PTPRA: variants seen among roughly 807,000 people sequenced by gnomAD.
The protein encoded by PTPRA is protein tyrosine phosphatase receptor type A, also known as receptor-type tyrosine-protein phosphatase alpha.
In PTPRA, 25 loss-of-function variants were observed where a neutral mutation model predicts 104.8. The observed-to-expected ratio is 0.24, with a 90% CI of 0.17 to 0.33. The LOEUF is 0.33. PTPRA is among the 10% of genes least tolerant of loss of function. PTPRA has a pLI of 1.00. For synonymous variants in PTPRA, 323 were observed against 368.9 expected, an observed-to-expected ratio of 0.88 and a Z score of 1.43; for missense variants, 765 against 1,015.3, an observed-to-expected ratio of 0.75 and a Z score of 3.35.
chr20:2,934,764 C>T (rs1255225237), intron 2 of PTPRA, among the ~76,000 whole-genome samples: 6 of 150,964 alleles, frequency 4.0e-5, no homozygotes, highest in Admixed American at 2.0e-4. Context: ...CTCTGACTCC[C>T]TGATTCGAGC....
At chr20:2,865,979 G>T in the PTPRA span, 6 of 560,742 alleles carry the variant, frequency 1.1e-5, no homozygotes, top group Non-Finnish European at 3.2e-6. This position sits in a 1 kb window ranked among gnomAD's most constrained non-coding sequence, Gnocchi z 5.2. Context: ...GAGCAGAAGC[G>T]TGGAAATAAT....
At chr20:2,919,827 G>A (rs2060039244) in intron 1 of PTPRA, among the ~76,000 whole-genome samples, 2 of 152,160 alleles carry the variant, frequency 1.3e-5, no homozygotes, top group Admixed American at 1.3e-4. Flanking sequence ...ACAACCCAAT[G>A]CCAGTTTTTG....
intron 11 of PTPRA, among the ~76,000 whole-genome samples, chr20:3,013,151 A>AC (rs1341528261): frequency 1.4e-5 from 2 of 146,140 alleles, no homozygotes; most frequent in African/African-American, 5.5e-5. Flanking sequence ...CTCCATTCTC[A>AC]CCCCCCGGCC....
chr20:2,927,267 T>C (rs1018958012), intron 2 of PTPRA, among the ~76,000 whole-genome samples: 1 of 152,194 alleles, frequency 6.6e-6, no homozygotes, highest in African/African-American at 2.4e-5. Flanking sequence ...CAGCATTTTC[T>C]GGGTTTTTAT....
chr20:2,903,913 T>A (rs991611966), intron 1 of PTPRA, among the ~76,000 whole-genome samples: 14 of 143,536 alleles, frequency 9.8e-5, no homozygotes, highest in Non-Finnish European at 1.5e-4. Context: ...TTTCCATAAC[T>A]TTTTTTTTTT....
intron 3 of PTPRA, among the ~76,000 whole-genome samples, chr20:2,955,102 A>G (rs2061490644): frequency 6.6e-6 from 1 of 152,214 alleles, no homozygotes; most frequent in Non-Finnish European, 1.5e-5. Flanking sequence ...AACACTGAGT[A>G]GATAGATTTC....
chr20:2,976,398 T>C, intron 6 of PTPRA, among the ~76,000 whole-genome samples: 1 of 152,262 alleles, frequency 6.6e-6, no homozygotes, highest in East Asian at 1.9e-4. Flanking sequence ...CTCCTTCCTC[T>C]ATTTAGTATA....
At chr20:2,954,226 C>T (rs574832351) in intron 3 of PTPRA, among the ~76,000 whole-genome samples, 56 of 151,802 alleles carry the variant, frequency 3.7e-4, no homozygotes, top group African/African-American at 1.2e-3. Context: ...TACAGGCGCC[C>T]GCCACCACGC....
intron 9 of PTPRA, among the ~76,000 whole-genome samples, chr20:2,997,125 T>C (rs889765031): frequency 5.8e-5 from 7 of 120,006 alleles, no homozygotes; most frequent in African/African-American, 2.1e-4. Context: ...TATATTGTTA[T>C]GTGAGAAAAC....
At chr20:2,920,010 T>G (rs1181847234) in intron 1 of PTPRA, among the ~76,000 whole-genome samples, 1 of 152,234 alleles carries the variant, frequency 6.6e-6, no homozygotes, top group African/African-American at 2.4e-5. Flanking sequence ...GACTGCTTTT[T>G]TGTCACAACA....
intron 3 of PTPRA, among the ~76,000 whole-genome samples, chr20:2,959,591 A>G (rs2061672996): frequency 6.6e-6 from 1 of 151,338 alleles, no homozygotes; most frequent in South Asian, 2.1e-4. Flanking sequence ...AAATAAGAAA[A>G]AATAAAAATT....
At chr20:2,866,361 G>C in the PTPRA span, 1 of 1,614,116 alleles carries the variant, frequency 6.2e-7, no homozygotes, top group South Asian at 1.1e-5. Context: ...TGAGCTGTGG[G>C]CTGGTGAGAG....
chr20:3,037,096 T>C lies in PTPRA; in HGVS notation c.2199-58T>C, dbSNP rs201434450. ...CTCTTCTGCCACTCACCACTGTCACTCACCCCCTTGCACAGAGGGCCATCA... is the reference window on the plus strand; with the variant it reads ...CTCTTCTGCCACTCACCACTGTCACCCACCCCCTTGCACAGAGGGCCATCA... On this transcript the variant is annotated intron_variant, in intron 22 of 23. Transcript: ENST00000399903. This position sits in a 1 kb window ranked among gnomAD's most constrained non-coding sequence, Gnocchi z 4.3. 152 of 1,585,506 alleles carry C rather than the reference T, an allele frequency of 9.6e-5. No individual in the cohort carries two copies. Among genetic ancestry groups the C allele is most frequent in the Non-Finnish European group, 1.3e-4 (149 of 1,164,088 alleles).
At chr20:2,910,594 TTTTTTGTTTTTTTTAA>T (rs1568650181) in intron 1 of PTPRA, among the ~76,000 whole-genome samples, 3 of 127,166 alleles carry the variant, frequency 2.4e-5, no homozygotes, top group African/African-American at 3.2e-5. Context: ...TTTTTGTTTT[TTTTTTGTTTTTTTTAA>T]TTTTTTTTTT....
chr20:2,867,813 G>C, the PTPRA span, among the ~76,000 whole-genome samples: 1 of 152,256 alleles, frequency 6.6e-6, no homozygotes, highest in South Asian at 2.1e-4. Flanking sequence ...GACAGTGAGA[G>C]ACTCAGGGCC....
At chr20:2,997,532 C>T (rs2063448224) in intron 9 of PTPRA, among the ~76,000 whole-genome samples, 1 of 152,050 alleles carries the variant, frequency 6.6e-6, no homozygotes, top group African/African-American at 2.4e-5. Context: ...GAAACTGGAC[C>T]ATGGGGGTGA....
At chr20:2,880,853 A>G (rs1402168358) in intron 1 of PTPRA, among the ~76,000 whole-genome samples, 1 of 152,038 alleles carries the variant, frequency 6.6e-6, no homozygotes, top group Admixed American at 6.6e-5. Context: ...CTCTACCAAA[A>G]ATAAAAAATT....
chr20:2,982,937 A>G (rs1339747983), intron 6 of PTPRA, among the ~76,000 whole-genome samples: 1 of 152,042 alleles, frequency 6.6e-6, no homozygotes, highest in Non-Finnish European at 1.5e-5. Context: ...TGACCTCATG[A>G]TCTGCCCACC....
chr20:2,865,350 A>G, the PTPRA span: 6 of 1,613,996 alleles, frequency 3.7e-6, no homozygotes, highest in Non-Finnish European at 5.1e-6. This position sits in a 1 kb window ranked among gnomAD's most constrained non-coding sequence, Gnocchi z 5.2. Flanking sequence ...TGTGGGTCCC[A>G]GGACCACCTG....
Sources: gnomAD v4.1 joint callset for allele counts (sites outside exome capture counted in the v4.1 genomes callset) on GRCh38, gnomAD v4.1.1 for gene constraint, Gnocchi (gnomAD v3.1) non-coding constraint, MANE v1.5 for transcripts, NCBI Gene and HGNC (gene_info 2026-07-23, HGNC 2026-07-21) for gene names.